The following SPIRE2 variants were observed in gnomAD, a reference collection of about 807,000 sequenced individuals.
The protein encoded by SPIRE2 is spire type actin nucleation factor 2, also known as protein spire homolog 2.
Under a neutral mutation model 80.7 loss-of-function variants are expected in SPIRE2, and 76 were observed. That is an observed-to-expected ratio of 0.94 (90% CI 0.78 to 1.14). The LOEUF is 1.14. Among genes scored for constraint, SPIRE2 ranks in the 50% most tolerant of loss-of-function variants. SPIRE2 has a pLI of 0.00. For synonymous variants in SPIRE2, 535 were observed against 432.6 expected (o/e 1.24, Z -2.94); for missense variants, 1,196 against 1,015.3 (o/e 1.18, Z -2.42).
chr16:89,838,858 C>CA (rs1567669909), intron 1 of SPIRE2, among the ~76,000 whole-genome samples: 1 of 151,988 alleles, frequency 6.6e-6, no homozygotes, highest in African/African-American at 2.4e-5. Context: ...TTTCTCCGCA[C>CA]AAAGGGCTCT....
intron 2 of SPIRE2, chr16:89,845,600 G>A: frequency 1.4e-6 from 1 of 702,542 alleles, no homozygotes; most frequent in Non-Finnish European, 2.6e-6. Context: ...GCCTGGAGGA[G>A]GCAGTGGTGT....
Position 89,828,669 on chromosome 16 carries a change from CG to C in SPIRE2, c.120del (p.Trp41GlyfsTer50). 1.5e-6 allele frequency: 2 copies of C among 1,350,526 alleles called. No homozygotes were observed. Among genetic ancestry groups the C allele is most frequent in the African/African-American group, 3.0e-5 (2 of 66,900 alleles). The allele number at this position is 1,350,526 out of a possible 1,614,324, so 83.7% of individuals were successfully genotyped here. ...GAGCAGCCGCTCAACGAGGAGCAGG[CG>C]TGGGCCGTGTGCTTCCAGGGCTGCC... is the stretch of plus-strand genomic sequence containing the variant. The part of the protein sequence containing the change: ...AYEQPLNEEQ[A>X]WAVCFQGCRG... On this transcript the variant is annotated frameshift_variant, in exon 1 of 15. Transcript: ENST00000378247. LOFTEE classifies it high-confidence loss of function. This position sits in a 1 kb window ranked among gnomAD's most constrained non-coding sequence, Gnocchi z 5.9.
chr16:89,839,687 C>T (rs1220988697), intron 1 of SPIRE2, among the ~76,000 whole-genome samples: 1 of 152,152 alleles, frequency 6.6e-6, no homozygotes, highest in Non-Finnish European at 1.5e-5. Context: ...GGGGTTGGGC[C>T]CAATGTAGCC....
intron 1 of SPIRE2, chr16:89,836,424 C>T (rs2037182327): frequency 2.9e-6 from 1 of 350,744 alleles, no homozygotes; most frequent in South Asian, 2.1e-5. Context: ...TCCTCCTCCA[C>T]TGTCTCCAGG....
Position 89,828,504 on chromosome 16 carries a change from C to T in SPIRE2, c.-47C>T. On this transcript the variant is annotated 5_prime_UTR_variant, in exon 1 of 15. Transcript: ENST00000378247. The surrounding 1 kb of genome is among the most constrained non-coding windows in gnomAD (Gnocchi z 5.9). ...TGACCCTGCGCGGCGGAAGGCGCGG[C>T]TGCATGGACGCGGGTCCGGCGCGCG... 2 of 1,008,752 alleles carry T rather than the reference C, an allele frequency of 2.0e-6. 1 individual carries two copies. Among genetic ancestry groups the T allele is most frequent in the South Asian group, 9.0e-5 (2 of 22,170 alleles). The allele number at this position is 1,008,752 out of a possible 1,614,324, so 62.5% of individuals were successfully genotyped here.
rs1019992457 is a variant in SPIRE2 at position 89,854,203 on chromosome 16, G to C, written c.646-83G>C. 1.7e-5 allele frequency: 22 copies of C among 1,295,426 alleles called. No homozygotes were observed. In the African/African-American group the frequency reaches 2.8e-4, roughly 16 times the overall value. 80.2% of individuals were successfully genotyped at this position (1,295,426 alleles called of 1,614,324 possible). On this transcript the variant is annotated intron_variant, in intron 3 of 14. Coordinates refer to ENST00000378247, the MANE Select transcript of SPIRE2 (RefSeq NM_032451.2). ...TGGTCGAGTGGAGCCCCCGTGACGT[G>C]GTCGTGTCCCTGACGGACGGGGCCC...
intron 9 of SPIRE2, among the ~76,000 whole-genome samples, chr16:89,859,936 G>C (rs1274361904): frequency 6.6e-6 from 1 of 152,208 alleles, no homozygotes; most frequent in Non-Finnish European, 1.5e-5. Flanking sequence ...AGAGTCTCGG[G>C]ACAATCGTGT....
At position 89,863,750 on chromosome 16, in the gene SPIRE2, G is replaced by C; in HGVS notation, c.1711-44G>C. 1 of 1,610,120 alleles carries C rather than the reference G, an allele frequency of 6.2e-7. No individual in the cohort carries two copies. The highest frequency in any genetic ancestry group is 1.1e-5 in the South Asian group (1 of 90,970). ...TAGCAGGGACAGGGCGGGACCCCAG[G>C]GAGCTTTGGACAAAGCGGGGCTCTA... On this transcript the variant is annotated intron_variant, in intron 11 of 14. Coordinates refer to ENST00000378247, the MANE Select transcript of SPIRE2 (RefSeq NM_032451.2). This position sits in a 1 kb window ranked among gnomAD's most constrained non-coding sequence, Gnocchi z 4.3.
In SPIRE2 at chr16:89,828,577, C is replaced by T. The variant is rs1367322269; in HGVS notation, c.27C>T (p.Gly9=). 2.6e-6 allele frequency: 3 copies of T among 1,166,190 alleles called. No individual in the cohort carries two copies. The highest frequency in any genetic ancestry group is 3.6e-4 in the Middle Eastern group (1 of 2,798). 72.2% of individuals were successfully genotyped at this position (1,166,190 alleles called of 1,614,324 possible). ...TGGCCCGGGCGGGCAGCTGCGGCGG[C>T]GCCGCGGCGGGCGCAGGGCGGCCGG... MARAGSCG[G]AAAGAGRPEP... is the part of the protein sequence containing the mutation. Residue 9 remains glycine, a synonymous_variant, in exon 1 of 15, where the codon GGC becomes GGT. Coordinates refer to ENST00000378247, the MANE Select transcript of SPIRE2 (RefSeq NM_032451.2). The surrounding 1 kb of genome is among the most constrained non-coding windows in gnomAD (Gnocchi z 5.9).
rs2041760792 is a variant in SPIRE2, at chr16:89,863,367, C to G, written c.1576-109C>G. ...GCTGATGGACAGCGTTTTAGAAGGT[C>G]GCAGGCTTGTTTAGGCTGAGGCCAG... On this transcript the variant is annotated intron_variant, in intron 10 of 14. Coordinates refer to ENST00000378247, the MANE Select transcript of SPIRE2 (RefSeq NM_032451.2). This position sits in a 1 kb window ranked among gnomAD's most constrained non-coding sequence, Gnocchi z 4.3. 1 of 1,247,978 alleles carries G rather than the reference C, an allele frequency of 8.0e-7. No homozygotes were observed. Among genetic ancestry groups the G allele is most frequent in the South Asian group, 1.4e-5 (1 of 71,538 alleles). 77.3% of individuals were successfully genotyped at this position (1,247,978 alleles called of 1,614,324 possible). A position where few individuals can be genotyped will look rare whatever the true frequency, so the allele number is the denominator to read the frequency against.
At chr16:89,838,712 T>A (rs1003429998) in intron 1 of SPIRE2, among the ~76,000 whole-genome samples, 14 of 152,150 alleles carry the variant, frequency 9.2e-5, no homozygotes, top group Non-Finnish European at 1.9e-4. Context: ...ATGCTCCAAA[T>A]CAAAGTGCAG....
intron 6 of SPIRE2, 164 bp from the exon 7 acceptor site, chr16:89,855,948 TG>T (rs1370145110): frequency 2.3e-6 from 3 of 1,292,142 alleles, no homozygotes; most frequent in Non-Finnish European, 3.1e-6. Context: ...CAGAGCCCCC[TG>T]GGAGCAGCAC....
In SPIRE2 at chr16:89,840,675, G is replaced by A. The variant is rs1241120791; in HGVS notation, c.245-4647G>A. ...TTTTTTGAGATGGAGTCACTCTGTC[G>A]CCCAGGCTGGAGTGCAATGGCGCAA... On this transcript the variant is annotated intron_variant, in intron 1 of 14. Coordinates refer to ENST00000378247, the MANE Select transcript of SPIRE2 (RefSeq NM_032451.2). 9.0e-5 allele frequency among the ~76,000 whole-genome samples: 12 copies of A among 133,452 alleles called. 1 individual carries two copies. Among genetic ancestry groups the A allele is most frequent in the Admixed American group, 2.5e-4 (3 of 12,154 alleles). 87.5% of individuals were successfully genotyped at this position (133,452 alleles called of 152,430 possible). A position where few individuals can be genotyped will look rare whatever the true frequency, so the allele number is the denominator to read the frequency against.
intron 13 of SPIRE2, 56 bp from the exon 14 acceptor site, chr16:89,869,511 T>G: frequency 3.3e-6 from 4 of 1,217,978 alleles, no homozygotes; most frequent in South Asian, 1.2e-5. Context: ...TAGCACTGAG[T>G]GTACCTGAAT....
chr16:89,856,441 T>TTATA (rs137993394), intron 7 of SPIRE2, among the ~76,000 whole-genome samples: 5 of 150,608 alleles, frequency 3.3e-5, no homozygotes, highest in African/African-American at 1.2e-4. Flanking sequence ...TAAATTAAAA[T>TTATA]TATATATATA....
chr16:89,849,489 T>C (rs2041600554), intron 2 of SPIRE2, among the ~76,000 whole-genome samples: 1 of 152,252 alleles, frequency 6.6e-6, no homozygotes, highest in Non-Finnish European at 1.5e-5. Context: ...CTTTCCTTGT[T>C]GTAAAGCGAA....
chr16:89,835,635 C>G (rs1427684483), intron 1 of SPIRE2, among the ~76,000 whole-genome samples: 1 of 152,118 alleles, frequency 6.6e-6, no homozygotes, highest in African/African-American at 2.4e-5. Context: ...TCTGATCATT[C>G]ACTCTGACTC....
At chr16:89,862,767 G>C (rs2041755705) in intron 10 of SPIRE2, 1 of 152,374 alleles carries the variant, frequency 6.6e-6, no homozygotes, top group Admixed American at 6.5e-5. Context: ...CAGAAAACAT[G>C]GTCCAACTCC....
chr16:89,838,127 G>A (rs969132709), intron 1 of SPIRE2, among the ~76,000 whole-genome samples: 1 of 148,066 alleles, frequency 6.8e-6, no homozygotes, highest in East Asian at 2.0e-4. Flanking sequence ...AGCCTCCAGA[G>A]TAACTGGGAC....
Sources: allele counts gnomAD v4.1 joint callset (sites outside exome capture counted in the v4.1 genomes callset), GRCh38; gene constraint gnomAD v4.1.1; non-coding constraint Gnocchi (gnomAD v3.1); transcripts MANE v1.5; gene names NCBI Gene and HGNC (gene_info 2026-07-23, HGNC 2026-07-21).